NFIB: variants seen among roughly 807,000 people sequenced by gnomAD.
NFIB encodes nuclear factor 1 B-type.
NFIB carries 11 observed loss-of-function variants against 61.5 expected under a neutral mutation model. That is an observed-to-expected ratio of 0.18 (90% CI 0.11 to 0.30). The LOEUF (loss-of-function observed/expected upper bound fraction) is 0.30, where lower values mean the gene tolerates loss of function less well. NFIB is among the 10% of genes least tolerant of loss of function. NFIB has a pLI of 1.00. For missense variants in NFIB, 471 were observed against 608.9 expected (o/e 0.77, Z 2.38); for synonymous variants, 260 against 216.5 (o/e 1.20, Z -1.76).
At chr9:14,233,385 G>A (rs1241892482) in intron 2 of NFIB, among the ~76,000 whole-genome samples, 1 of 148,032 alleles carries the variant, frequency 6.8e-6, no homozygotes, top group Non-Finnish European at 1.5e-5. Flanking sequence ...CTTTGGTGAA[G>A]TCTGACACCC....
chr9:14,322,334 T>TGTGC lies in NFIB; in HGVS notation c.109-14815_109-14814insGCAC, dbSNP rs2060681923. ...GCGCCCGCGTGTGCGTGTGTGCATG[T>TGTGC]ATGTGTGTGTGTGGTGGGTTTTATT... On this transcript the variant is annotated intron_variant, in intron 1 of 8. Transcript: ENST00000380934. The TGTGC allele has an allele frequency of 4.0e-4, 97 of 243,826 alleles. 2 individuals are homozygous for TGTGC. In the South Asian group the frequency reaches 0.016, roughly 41 times the overall value. 15.1% of individuals were successfully genotyped at this position (243,826 alleles called of 1,614,324 possible). A position where few individuals can be genotyped will look rare whatever the true frequency, so the allele number is the denominator to read the frequency against.
chr9:14,455,358 C>G, the NFIB span, among the ~76,000 whole-genome samples: 2 of 152,140 alleles, frequency 1.3e-5, no homozygotes, highest in Non-Finnish European at 2.9e-5. Flanking sequence ...TTACTATTAA[C>G]TAGTGAGGTA....
intron 1 of NFIB, among the ~76,000 whole-genome samples, chr9:14,328,138 A>T (rs1391172298): frequency 6.6e-6 from 1 of 152,094 alleles, no homozygotes; most frequent in African/African-American, 2.4e-5. Context: ...CACCTTCTGA[A>T]TTGCTCCCCG....
the NFIB span, among the ~76,000 whole-genome samples, chr9:14,433,132 A>G: frequency 6.6e-6 from 1 of 152,172 alleles, no homozygotes; most frequent in Non-Finnish European, 1.5e-5. Context: ...ATTATAACAT[A>G]CTTACAGTTG....
At chr9:14,248,788 A>G (rs913405793) in intron 2 of NFIB, among the ~76,000 whole-genome samples, 1 of 152,196 alleles carries the variant, frequency 6.6e-6, no homozygotes, top group Non-Finnish European at 1.5e-5. Flanking sequence ...GTCTGCAGGG[A>G]CTAGTGAGGA....
At chr9:14,422,759 T>G in the NFIB span, among the ~76,000 whole-genome samples, 1 of 152,184 alleles carries the variant, frequency 6.6e-6, no homozygotes, top group African/African-American at 2.4e-5. Context: ...TGACCACTTC[T>G]GCGACTGAGG....
chr9:14,182,708 C>CTCTCTCTCTCTCTGTGTG (rs778914837), intron 2 of NFIB, among the ~76,000 whole-genome samples: 4 of 97,000 alleles, frequency 4.1e-5, no homozygotes, highest in African/African-American at 1.3e-4. Context: ...CTCTCTCTCT[C>CTCTCTCTCTCTCTGTGTG]TGTGTGTGTG....
At chr9:14,107,969 A>G (rs933747495) in intron 10 of NFIB, among the ~76,000 whole-genome samples, 3 of 152,140 alleles carry the variant, frequency 2.0e-5, no homozygotes, top group African/African-American at 7.2e-5. Flanking sequence ...TTAGTCTTTG[A>G]TTCCCAGTAA....
chr9:14,204,422 C>T (rs1236985695), intron 2 of NFIB: 9 of 1,144,818 alleles, frequency 7.9e-6, no homozygotes, highest in East Asian at 2.4e-5. Flanking sequence ...GAAATGGCCC[C>T]GCTATAGCAG....
At chr9:14,295,490 G>C (rs964534285) in intron 2 of NFIB, among the ~76,000 whole-genome samples, 1 of 152,202 alleles carries the variant, frequency 6.6e-6, no homozygotes, top group African/African-American at 2.4e-5. Context: ...ACTCAGCCGG[G>C]CGTGGGGAAG....
At chr9:14,343,999 T>G (rs2060986176) in intron 1 of NFIB, among the ~76,000 whole-genome samples, 1 of 150,548 alleles carries the variant, frequency 6.6e-6, no homozygotes, top group Non-Finnish European at 1.5e-5. Context: ...ACAGAAGTTT[T>G]GAGGAGGCAG....
At chr9:14,267,821 C>T (rs568725169) in intron 2 of NFIB, among the ~76,000 whole-genome samples, 4 of 152,230 alleles carry the variant, frequency 2.6e-5, no homozygotes, top group African/African-American at 9.6e-5. Context: ...TGAATAAATA[C>T]GTAGCCTGTT....
chr9:14,406,566 A>T, the NFIB span, among the ~76,000 whole-genome samples: 73 of 152,294 alleles, frequency 4.8e-4, no homozygotes, highest in African/African-American at 1.7e-3. Context: ...CATGACACAG[A>T]TCTTTGGCAA....
chr9:14,429,862 A>G, the NFIB span, among the ~76,000 whole-genome samples: 3 of 152,214 alleles, frequency 2.0e-5, no homozygotes, highest in African/African-American at 7.2e-5. Flanking sequence ...ATGCATTGGC[A>G]TATTTTTATT....
intron 3 of NFIB, among the ~76,000 whole-genome samples, chr9:14,158,512 T>C (rs1180792388): frequency 6.6e-6 from 1 of 152,250 alleles, no homozygotes; most frequent in Non-Finnish European, 1.5e-5. Flanking sequence ...ATCCTTTATT[T>C]ACAGAAGTGA....
intron 2 of NFIB, among the ~76,000 whole-genome samples, chr9:14,292,137 A>T (rs1034612933): frequency 1.3e-5 from 2 of 152,194 alleles, no homozygotes; most frequent in African/African-American, 2.4e-5. Context: ...CCATGTTTTC[A>T]CGAAATAATA....
chr9:14,305,985 T>G, intron 2 of NFIB: 1 of 1,353,042 alleles, frequency 7.4e-7, no homozygotes, highest in Non-Finnish European at 9.7e-7. Context: ...CATCTATATC[T>G]TGATGCATTT....
At chr9:14,498,707 G>A in the NFIB span, among the ~76,000 whole-genome samples, 2 of 151,824 alleles carry the variant, frequency 1.3e-5, no homozygotes, top group Non-Finnish European at 2.9e-5. Context: ...GGGAAATAGT[G>A]GCTACAGTAG....
At chr9:14,455,584 G>A in the NFIB span, among the ~76,000 whole-genome samples, 1 of 152,126 alleles carries the variant, frequency 6.6e-6, no homozygotes, top group Non-Finnish European at 1.5e-5. Flanking sequence ...TGAAGATGAT[G>A]TTTAGGCAGA....
Sources: allele counts gnomAD v4.1 joint callset (sites outside exome capture counted in the v4.1 genomes callset), GRCh38; gene constraint gnomAD v4.1.1; transcripts MANE v1.5; gene names NCBI Gene and HGNC (gene_info 2026-07-23, HGNC 2026-07-21).